The following CTDSPL variants were observed in gnomAD, a reference collection of about 807,000 sequenced individuals.
CTDSPL encodes the protein CTD small phosphatase-like protein.
In CTDSPL, 8 loss-of-function variants were observed where a neutral mutation model predicts 30.5. That is an observed-to-expected ratio of 0.26 (90% CI 0.15 to 0.47). The LOEUF is 0.47. Ranked by LOEUF, CTDSPL falls within the 20% of genes least tolerant of loss-of-function variation. The pLI is 0.99. For missense variants in CTDSPL, 248 were observed against 366.1 expected (o/e 0.68, Z 2.63); for synonymous variants, 110 against 137.9 (o/e 0.80, Z 1.42).
chr3:37,866,224 A>C (rs1251617188), intron 1 of CTDSPL, among the ~76,000 whole-genome samples: 1 of 152,248 alleles, frequency 6.6e-6, no homozygotes, highest in African/African-American at 2.4e-5. Context: ...AATGAGCTAA[A>C]TTAAATCTAA....
intron 1 of CTDSPL, among the ~76,000 whole-genome samples, chr3:37,863,046 G>T (rs1697963308): frequency 6.6e-6 from 1 of 152,168 alleles, no homozygotes; most frequent in African/African-American, 2.4e-5. Context: ...CATGTGTCTG[G>T]GTGTGTTTAG....
At chr3:37,865,477 G>C (rs549426989) in intron 1 of CTDSPL, among the ~76,000 whole-genome samples, 44 of 152,204 alleles carry the variant, frequency 2.9e-4, no homozygotes, top group South Asian at 6.2e-4. Context: ...ATAGACTTTT[G>C]TGAGAGAATA....
chr3:37,946,962 TC>T (rs1450321345), intron 1 of CTDSPL, 94 bp from the exon 2 acceptor site: 3 of 1,371,232 alleles, frequency 2.2e-6, no homozygotes, highest in Non-Finnish European at 2.9e-6. Context: ...GAATCTGGGG[TC>T]TGGGGGGCAA....
intron 2 of CTDSPL, among the ~76,000 whole-genome samples, chr3:37,947,547 C>T (rs1013356984): frequency 2.0e-5 from 3 of 151,872 alleles, no homozygotes; most frequent in Non-Finnish European, 4.4e-5. Flanking sequence ...GCAATAAGAG[C>T]GAAACTATGT....
intron 1 of CTDSPL, among the ~76,000 whole-genome samples, chr3:37,902,979 C>T (rs1698469302): frequency 6.6e-6 from 1 of 152,178 alleles, no homozygotes. Flanking sequence ...CAAGAAACAC[C>T]GTTCTGAAGT....
At chr3:37,933,557 A>G (rs947392223) in intron 1 of CTDSPL, among the ~76,000 whole-genome samples, 2 of 152,242 alleles carry the variant, frequency 1.3e-5, no homozygotes, top group Non-Finnish European at 2.9e-5. Context: ...AGTAGGCAAT[A>G]TAGTGCAGAG....
At chr3:37,904,004 C>T (rs955598490) in intron 1 of CTDSPL, among the ~76,000 whole-genome samples, 9 of 152,242 alleles carry the variant, frequency 5.9e-5, no homozygotes, top group African/African-American at 1.7e-4. Context: ...CACTCCCCTC[C>T]TCACAGGATC....
chr3:37,863,781 C>T (rs2125585430), intron 1 of CTDSPL, among the ~76,000 whole-genome samples: 1 of 152,332 alleles, frequency 6.6e-6, no homozygotes, highest in Non-Finnish European at 1.5e-5. Context: ...ACGGAAGGAA[C>T]CAGCAGGTAC....
intron 4 of CTDSPL, among the ~76,000 whole-genome samples, chr3:37,967,018 T>C (rs558194346): frequency 6.6e-6 from 1 of 152,378 alleles, no homozygotes; most frequent in East Asian, 1.9e-4. Flanking sequence ...AAGAATCATA[T>C]TTGAATTTTA....
At chr3:37,877,133 T>G (rs988475854) in intron 1 of CTDSPL, among the ~76,000 whole-genome samples, 13 of 152,118 alleles carry the variant, frequency 8.5e-5, no homozygotes, top group African/African-American at 3.1e-4. Context: ...ATTGATCGTC[T>G]TAACTACTTT....
chr3:37,979,459 G>A (rs945390701), intron 7 of CTDSPL, among the ~76,000 whole-genome samples: 2 of 152,072 alleles, frequency 1.3e-5, no homozygotes, highest in Non-Finnish European at 2.9e-5. Flanking sequence ...AAAACTAGCT[G>A]GGCATGGCGG....
chr3:37,964,181 T>G (rs1699273954), intron 3 of CTDSPL, among the ~76,000 whole-genome samples: 1 of 150,920 alleles, frequency 6.6e-6, no homozygotes, highest in Non-Finnish European at 1.5e-5. Flanking sequence ...TATAATTAAA[T>G]ACTCATTCTT....
At chr3:37,942,144 T>C (rs1444294474) in intron 1 of CTDSPL, among the ~76,000 whole-genome samples, 5 of 150,344 alleles carry the variant, frequency 3.3e-5, no homozygotes, top group South Asian at 2.1e-4. Flanking sequence ...TTGATTAAAA[T>C]CACTTCCTGA....
intron 1 of CTDSPL, among the ~76,000 whole-genome samples, chr3:37,898,178 T>C (rs529402319): frequency 2.6e-5 from 4 of 152,308 alleles, no homozygotes; most frequent in African/African-American, 9.6e-5. Context: ...GAAGGTCTTC[T>C]GTCAGGGAAC....
At chr3:37,959,814 G>A (rs1699215266) in intron 3 of CTDSPL, among the ~76,000 whole-genome samples, 4 of 152,168 alleles carry the variant, frequency 2.6e-5, no homozygotes, top group Admixed American at 2.6e-4. Flanking sequence ...AAAAGCTTAT[G>A]CTAATTTACA....
Position 37,975,625 on chromosome 3 carries a change from CG to C in CTDSPL, c.520-83del. On this transcript the variant is annotated intron_variant, in intron 6 of 7. Coordinates refer to ENST00000273179, the MANE Select transcript of CTDSPL (RefSeq NM_001008392.2). This position sits in a 1 kb window ranked among gnomAD's most constrained non-coding sequence, Gnocchi z 4.9. ...AATTATTAAATCCATTTTTAAAAAACGTAATCTGGATCTTGCTGCTGTAGTT... is the reference window on the plus strand; with the variant it reads ...AATTATTAAATCCATTTTTAAAAAACTAATCTGGATCTTGCTGCTGTAGTT... 8.1e-7 allele frequency: 1 copy of C among 1,241,532 alleles called. No individual in the cohort carries two copies. The highest frequency in any genetic ancestry group is 1.1e-6 in the Non-Finnish European group (1 of 895,830). The allele number at this position is 1,241,532 out of a possible 1,614,324, so 76.9% of individuals were successfully genotyped here. A position where few individuals can be genotyped will look rare whatever the true frequency, so the allele number is the denominator to read the frequency against.
chr3:37,927,691 T>TATAA (rs1328594540), intron 1 of CTDSPL, among the ~76,000 whole-genome samples: 4 of 148,788 alleles, frequency 2.7e-5, no homozygotes. Context: ...TGTGTATATA[T>TATAA]ATATATATAT....
chr3:37,957,090 T>C (rs1220897760), intron 2 of CTDSPL, 21 bp from the exon 3 acceptor site: 1 of 1,594,196 alleles, frequency 6.3e-7, no homozygotes, highest in Admixed American at 1.7e-5. Flanking sequence ...TGACAATGAT[T>C]TTTTTTTTCT....
intron 7 of CTDSPL, among the ~76,000 whole-genome samples, chr3:37,977,811 C>G (rs563090010): frequency 6.6e-6 from 1 of 151,850 alleles, no homozygotes; most frequent in South Asian, 2.1e-4. Context: ...GTGGGAGGAT[C>G]TCTTGAGCCC....
Sources: allele counts gnomAD v4.1 joint callset (sites outside exome capture counted in the v4.1 genomes callset), GRCh38; gene constraint gnomAD v4.1.1; non-coding constraint Gnocchi (gnomAD v3.1); transcripts MANE v1.5; gene names NCBI Gene and HGNC (gene_info 2026-07-23, HGNC 2026-07-21).